Variants in TDRD3 observed in about 807,000 individuals in gnomAD.
The protein encoded by TDRD3 is tudor domain-containing protein 3.
Under a neutral mutation model 86.7 loss-of-function variants are expected in TDRD3, and 45 were observed. That is an observed-to-expected ratio of 0.52 (90% CI 0.41 to 0.67). The LOEUF (loss-of-function observed/expected upper bound fraction) is 0.67. Ranked by LOEUF, TDRD3 falls within the 30% of genes least tolerant of loss-of-function variation. The probability of loss-of-function intolerance (pLI) is 0.00; values close to 1 mark genes in which losing one functional copy is unlikely to be tolerated. For synonymous variants in TDRD3, 298 were observed against 301.7 expected, an observed-to-expected ratio of 0.99 and a Z score of 0.13; for missense variants, 814 against 889.0, an observed-to-expected ratio of 0.92 and a Z score of 1.07.
At chr13:60,562,390 A>G (rs949453563) in intron 12 of TDRD3, among the ~76,000 whole-genome samples, 2 of 152,126 alleles carry the variant, frequency 1.3e-5, no homozygotes, top group Admixed American at 1.3e-4. Flanking sequence ...CTAATATAGA[A>G]GAATATTAGT....
At chr13:60,430,045 C>T (rs1476390139) in intron 1 of TDRD3, among the ~76,000 whole-genome samples, 5 of 152,056 alleles carry the variant, frequency 3.3e-5, no homozygotes, top group African/African-American at 1.2e-4. Context: ...TCAGTACGGT[C>T]TTTTTCGGCA....
At chr13:60,488,850 A>G (rs1207845472) in intron 7 of TDRD3, among the ~76,000 whole-genome samples, 1 of 152,096 alleles carries the variant, frequency 6.6e-6, no homozygotes, top group East Asian at 1.9e-4. Flanking sequence ...AAGTGCTGGG[A>G]TTACACAGGC....
intron 12 of TDRD3, among the ~76,000 whole-genome samples, chr13:60,541,521 A>G (rs750841585): frequency 6.6e-6 from 1 of 151,824 alleles, no homozygotes; most frequent in Non-Finnish European, 1.5e-5. Flanking sequence ...AAGCTATTAC[A>G]TTAATCTTTT....
At chr13:60,527,923 G>C (rs1468743346) in intron 10 of TDRD3, among the ~76,000 whole-genome samples, 1 of 152,074 alleles carries the variant, frequency 6.6e-6, no homozygotes, top group Non-Finnish European at 1.5e-5. Flanking sequence ...TTTTGCAAAG[G>C]CTAGAACATG....
At chr13:60,521,266 A>G (rs1051003472) in intron 10 of TDRD3, among the ~76,000 whole-genome samples, 3 of 152,194 alleles carry the variant, frequency 2.0e-5, no homozygotes, top group African/African-American at 7.2e-5. Context: ...TTAAACAGAT[A>G]GCAATTTTGA....
At chr13:60,546,702 T>G (rs1957947740) in intron 12 of TDRD3, among the ~76,000 whole-genome samples, 1 of 152,152 alleles carries the variant, frequency 6.6e-6, no homozygotes, top group African/African-American at 2.4e-5. Flanking sequence ...GTGTCTTGAT[T>G]CTTAGGCAGT....
intron 12 of TDRD3, among the ~76,000 whole-genome samples, 155 bp from the exon 13 acceptor site, chr13:60,567,370 C>G (rs868766215): frequency 8.7e-6 from 1 of 114,606 alleles, no homozygotes; most frequent in East Asian, 2.1e-4. Flanking sequence ...TTTTCTTTTC[C>G]CTTCCCCTTG....
chr13:60,565,039 A>ATTTTT (rs1566310089), intron 12 of TDRD3, among the ~76,000 whole-genome samples: 6 of 104,280 alleles, frequency 5.8e-5, no homozygotes, highest in African/African-American at 2.3e-4. Context: ...AACTATCAGT[A>ATTTTT]TCTTTTTTTT....
At chr13:60,552,398 T>A (rs1481069768) in intron 12 of TDRD3, among the ~76,000 whole-genome samples, 5 of 152,252 alleles carry the variant, frequency 3.3e-5, no homozygotes, top group Non-Finnish European at 5.9e-5. Context: ...GGCACGCTAA[T>A]GCAAGGGGTA....
At chr13:60,477,245 T>C (rs942558483) in intron 5 of TDRD3, among the ~76,000 whole-genome samples, 1 of 150,632 alleles carries the variant, frequency 6.6e-6, no homozygotes, top group African/African-American at 2.4e-5. Flanking sequence ...GACAGAATCT[T>C]GCTCTGTCAC....
chr13:60,509,358 T>C (rs1957007415), intron 8 of TDRD3, among the ~76,000 whole-genome samples: 1 of 152,156 alleles, frequency 6.6e-6, no homozygotes, highest in Non-Finnish European at 1.5e-5. Context: ...TTCAATAGTT[T>C]ACATTTTTGG....
chr13:60,491,889 A>G (rs1956596023), intron 7 of TDRD3, among the ~76,000 whole-genome samples: 3 of 152,104 alleles, frequency 2.0e-5, no homozygotes, highest in Admixed American at 2.0e-4. Context: ...ATAGTGGTCT[A>G]GAAGATTAGG....
intron 13 of TDRD3, among the ~76,000 whole-genome samples, chr13:60,570,974 C>T (rs1244489313): frequency 1.3e-5 from 2 of 152,158 alleles, no homozygotes; most frequent in Non-Finnish European, 2.9e-5. Context: ...TTAAACATCA[C>T]AATTTTGGTG....
chr13:60,538,158 A>G (rs999658442), intron 12 of TDRD3: 1 of 152,176 alleles, frequency 6.6e-6, no homozygotes, highest in East Asian at 1.9e-4. Context: ...TAGACCAAAT[A>G]TTTATTTCTC....
intron 1 of TDRD3, among the ~76,000 whole-genome samples, chr13:60,438,391 A>T (rs1264077662): frequency 6.6e-6 from 1 of 152,080 alleles, no homozygotes; most frequent in Non-Finnish European, 1.5e-5. Flanking sequence ...ACTCATCGAT[A>T]TATTTGTATT....
At chr13:60,548,927 G>A (rs1201815112) in intron 12 of TDRD3, among the ~76,000 whole-genome samples, 1 of 152,070 alleles carries the variant, frequency 6.6e-6, no homozygotes, top group East Asian at 1.9e-4. Context: ...CTAATTGCTT[G>A]GAGATTATCA....
intron 3 of TDRD3, among the ~76,000 whole-genome samples, chr13:60,456,988 A>G (rs1202941032): frequency 6.6e-6 from 1 of 152,240 alleles, no homozygotes; most frequent in Non-Finnish European, 1.5e-5. Flanking sequence ...GAGTCACCGC[A>G]CCCAGCCTTA....
intron 8 of TDRD3, among the ~76,000 whole-genome samples, chr13:60,504,728 A>G (rs761983298): frequency 3.3e-5 from 5 of 152,164 alleles, no homozygotes; most frequent in African/African-American, 1.2e-4. Flanking sequence ...TGCATTTTCA[A>G]CTGAGGTACC....
Position 60,494,580 on chromosome 13 carries a change from G to A in TDRD3, c.858+5G>A. On this transcript the variant is annotated splice_donor_5th_base_variant and intron_variant, in intron 8 of 13. Coordinates refer to ENST00000377881, the MANE Select transcript of TDRD3 (RefSeq NM_001146070.2). ...GAAGGTGTCTATAGAGAACTGGTAA[G>A]GCTAAAGAACTAACCACAAATTTAA... is the stretch of plus-strand genomic sequence containing the variant. 1.2e-6 allele frequency: 2 copies of A among 1,609,318 alleles called. No individual in the cohort carries two copies. The highest frequency in any genetic ancestry group is 1.7e-6 in the Non-Finnish European group (2 of 1,178,156).
Sources: gnomAD v4.1 joint callset for allele counts (sites outside exome capture counted in the v4.1 genomes callset) on GRCh38, gnomAD v4.1.1 for gene constraint, MANE v1.5 for transcripts, NCBI Gene and HGNC (gene_info 2026-07-23, HGNC 2026-07-21) for gene names.